RAD51B: variants seen among roughly 807,000 people sequenced by gnomAD.
The protein encoded by RAD51B is RAD51 paralog B, also known as DNA repair protein RAD51 homolog 2.
RAD51B carries 38 observed loss-of-function variants against 42.2 expected under a neutral mutation model. The ratio of observed to expected loss-of-function variants is 0.90; its 90% CI spans 0.70 to 1.18. The LOEUF (loss-of-function observed/expected upper bound fraction) is 1.18, where lower values mean the gene tolerates loss of function less well. RAD51B is among the 50% of genes most tolerant of loss of function. The pLI, the probability that RAD51B is intolerant of heterozygous loss-of-function variation, is 0.00. For synonymous variants in RAD51B, 154 were observed against 145.2 expected (o/e 1.06, Z -0.43); for missense variants, 373 against 400.7 (o/e 0.93, Z 0.59).
intron 7 of RAD51B, among the ~76,000 whole-genome samples, chr14:68,136,154 A>G (rs978157510): frequency 1.3e-5 from 2 of 152,246 alleles, no homozygotes; most frequent in Non-Finnish European, 1.5e-5. Flanking sequence ...TAGACTGTGT[A>G]ATTAAAAATC....
At chr14:68,302,664 A>G (rs1461634742) in intron 8 of RAD51B, among the ~76,000 whole-genome samples, 1 of 152,254 alleles carries the variant, frequency 6.6e-6, no homozygotes, top group African/African-American at 2.4e-5. Context: ...CATATTTATT[A>G]ACAGCAAGCC....
intron 3 of RAD51B, among the ~76,000 whole-genome samples, chr14:67,832,180 T>C (rs1370741918): frequency 6.6e-6 from 1 of 152,212 alleles, no homozygotes; most frequent in Non-Finnish European, 1.5e-5. Context: ...CTTGCTATGA[T>C]GCCCAGGCTG....
At chr14:68,643,226 A>G (rs1365855057) in intron 10 of RAD51B, among the ~76,000 whole-genome samples, 2 of 152,210 alleles carry the variant, frequency 1.3e-5, no homozygotes, top group Non-Finnish European at 2.9e-5. Context: ...ATTATATCTT[A>G]TTGGAGGGCT....
At chr14:67,832,147 A>T (rs2041074683) in intron 3 of RAD51B, among the ~76,000 whole-genome samples, 1 of 152,134 alleles carries the variant, frequency 6.6e-6, no homozygotes, top group African/African-American at 2.4e-5. Flanking sequence ...TTGTTTGTTT[A>T]TTGATTTTTA....
At chr14:68,466,845 G>T (rs2085998950) in intron 9 of RAD51B, among the ~76,000 whole-genome samples, 1 of 152,166 alleles carries the variant, frequency 6.6e-6, no homozygotes, top group African/African-American at 2.4e-5. Context: ...AAAATTGTAG[G>T]CTCTGCCATA....
chr14:68,497,192 C>G, intron 10 of RAD51B: 1 of 1,387,906 alleles, frequency 7.2e-7, no homozygotes, highest in Non-Finnish European at 9.6e-7. Context: ...ATCCGCTTTT[C>G]TGCCACAGAA....
At chr14:68,212,710 T>C (rs1304669319) in intron 7 of RAD51B, among the ~76,000 whole-genome samples, 2 of 152,338 alleles carry the variant, frequency 1.3e-5, no homozygotes, top group South Asian at 2.1e-4. Flanking sequence ...TGTTCCAGAA[T>C]GCACAGGACA....
rs1300926334 is a variant in RAD51B, at chr14:68,658,470, C to T, written c.*11+7614C>T. ...CAAGTGCCAGGGCAGCCAAGAGTCA[C>T]AGAGGAAAACAGCCGTCATAGTGCC... is the stretch of plus-strand genomic sequence containing the variant. On this transcript the variant is annotated intron_variant, in intron 11 of 11. Coordinates refer to the RAD51B transcript ENST00000488612. 2.0e-5 allele frequency among the ~76,000 whole-genome samples: 3 copies of T among 152,338 alleles called. No individual in the cohort carries two copies. In the East Asian group the frequency reaches 5.8e-4, roughly 29 times the overall value.
intron 8 of RAD51B, chr14:68,306,664 T>A (rs921976215): frequency 3.9e-6 from 2 of 514,214 alleles, no homozygotes; most frequent in Non-Finnish European, 7.8e-6. Flanking sequence ...CAATTCTAAA[T>A]GTACCTAGAG....
At chr14:68,443,860 T>C (rs1317184294) in intron 9 of RAD51B, among the ~76,000 whole-genome samples, 117 of 152,188 alleles carry the variant, frequency 7.7e-4, no homozygotes, top group Non-Finnish European at 1.8e-4. Flanking sequence ...AAAACAAAAC[T>C]TTCTGCTTTC....
chr14:67,968,323 C>T (rs539120321), intron 7 of RAD51B, among the ~76,000 whole-genome samples: 1 of 152,334 alleles, frequency 6.6e-6, no homozygotes, highest in African/African-American at 2.4e-5. Flanking sequence ...TAGCATTCAG[C>T]TCCTTCTTGT....
chr14:68,057,978 A>G (rs193062422), intron 7 of RAD51B, among the ~76,000 whole-genome samples: 2 of 152,046 alleles, frequency 1.3e-5, no homozygotes, highest in African/African-American at 4.8e-5. Flanking sequence ...TTTATATTTT[A>G]ATATGCATTT....
At chr14:67,867,570 AT>A (rs1231328383) in intron 5 of RAD51B, among the ~76,000 whole-genome samples, 1 of 152,172 alleles carries the variant, frequency 6.6e-6, no homozygotes, top group Non-Finnish European at 1.5e-5. Flanking sequence ...CCTCTTGTAG[AT>A]TTCTCACTGA....
chr14:68,417,697 C>A (rs1282132959), intron 9 of RAD51B, among the ~76,000 whole-genome samples: 1 of 152,218 alleles, frequency 6.6e-6, no homozygotes. Flanking sequence ...AAGGGCAACA[C>A]AGACACCCAA....
chr14:68,350,588 G>A (rs2082766097), intron 8 of RAD51B, among the ~76,000 whole-genome samples: 1 of 152,278 alleles, frequency 6.6e-6, no homozygotes, highest in Non-Finnish European at 1.5e-5. Context: ...TATCGTGTGT[G>A]GTCTGCATTT....
At chr14:68,250,867 T>C (rs1362578890) in intron 7 of RAD51B, among the ~76,000 whole-genome samples, 1 of 152,248 alleles carries the variant, frequency 6.6e-6, no homozygotes, top group Non-Finnish European at 1.5e-5. Context: ...GCAGCAGTGA[T>C]GCAGCCAGAG....
chr14:68,368,800 T>A (rs2083193945), intron 8 of RAD51B, among the ~76,000 whole-genome samples: 1 of 152,196 alleles, frequency 6.6e-6, no homozygotes, highest in Non-Finnish European at 1.5e-5. Flanking sequence ...GCATGTAGAA[T>A]GAAATAGAGC....
intron 10 of RAD51B, among the ~76,000 whole-genome samples, chr14:68,512,840 A>G (rs578172936): frequency 2.6e-5 from 4 of 152,016 alleles, no homozygotes; most frequent in Non-Finnish European, 4.4e-5. Context: ...GGGGTGCACT[A>G]TTTTACACAC....
chr14:68,448,857 G>A (rs908900060), intron 9 of RAD51B, among the ~76,000 whole-genome samples: 4 of 151,718 alleles, frequency 2.6e-5, no homozygotes, highest in Admixed American at 2.6e-4. Context: ...TGTTTATTCT[G>A]AAATGGAAAA....
Sources: allele counts gnomAD v4.1 joint callset (sites outside exome capture counted in the v4.1 genomes callset), GRCh38; gene constraint gnomAD v4.1.1; transcripts MANE v1.5; gene names NCBI Gene and HGNC (gene_info 2026-07-23, HGNC 2026-07-21).